Variants in BDP1 observed in about 807,000 individuals in gnomAD.
The protein encoded by BDP1 is BDP1 general transcription factor IIIB subunit, also known as transcription factor TFIIIB component B'' homolog.
Under a neutral mutation model 266.6 loss-of-function variants are expected in BDP1, and 169 were observed. The observed-to-expected ratio is 0.63, with a 90% confidence interval of 0.56 to 0.72. The LOEUF is 0.72. Among genes scored for constraint, BDP1 ranks in the 30% least tolerant of loss-of-function variants. The pLI is 0.00. For synonymous variants in BDP1, 1,090 were observed against 1,022.4 expected (o/e 1.07, Z -1.26); for missense variants, 3,015 against 3,053.8 (o/e 0.99, Z 0.30).
intron 3 of BDP1, 28 bp downstream of exon 3, chr5:71,461,954 A>AAC: frequency 6.9e-6 from 6 of 871,738 alleles, no homozygotes; most frequent in African/African-American, 1.9e-5. Context: ...CTGCTTTACT[A>AAC]TCTCTTTTTT....
chr5:71,537,371 C>G (rs1766688634), intron 26 of BDP1, among the ~76,000 whole-genome samples: 1 of 151,962 alleles, frequency 6.6e-6, no homozygotes, highest in Non-Finnish European at 1.5e-5. Flanking sequence ...TGATTTTTAC[C>G]CTTAAAAGCA....
intron 6 of BDP1, 51 bp downstream of exon 6, chr5:71,467,538 G>T: frequency 6.9e-7 from 1 of 1,445,414 alleles, no homozygotes; most frequent in South Asian, 1.2e-5. Flanking sequence ...GAAATGAATT[G>T]ACTGTTTCTG....
At chr5:71,504,372 A>T (rs962962673) in intron 15 of BDP1, among the ~76,000 whole-genome samples, 15 of 152,214 alleles carry the variant, frequency 9.9e-5, no homozygotes, top group African/African-American at 2.7e-4. Flanking sequence ...TATTTCTAAC[A>T]GATGAAACCA....
chr5:71,478,407 T>C (rs1762730047), intron 7 of BDP1, among the ~76,000 whole-genome samples: 1 of 152,254 alleles, frequency 6.6e-6, no homozygotes, highest in Non-Finnish European at 1.5e-5. Flanking sequence ...CATTTCTTCC[T>C]GTAGGTCCAA....
At chr5:71,505,667 A>G (rs1326772413) in intron 16 of BDP1, among the ~76,000 whole-genome samples, 1 of 152,232 alleles carries the variant, frequency 6.6e-6, no homozygotes. Context: ...TTTAAAGGCT[A>G]GCCTATGCTA....
intron 2 of BDP1, 137 bp downstream of exon 2, chr5:71,458,992 C>CTA: frequency 1.4e-6 from 1 of 739,334 alleles, no homozygotes; most frequent in Non-Finnish European, 2.2e-6. Context: ...AACATCCCTT[C>CTA]TTGTTAATGG....
chr5:71,500,417 T>A (rs1764164600), intron 13 of BDP1, among the ~76,000 whole-genome samples: 1 of 146,076 alleles, frequency 6.8e-6, no homozygotes, highest in African/African-American at 2.5e-5. Context: ...CTCCGCCTCC[T>A]GGGTTCAGGC....
chr5:71,537,944 T>G (rs1766736058), intron 26 of BDP1: 1 of 152,608 alleles, frequency 6.6e-6, no homozygotes, highest in Non-Finnish European at 1.5e-5. Flanking sequence ...CCTCCCATCC[T>G]GTCTTATCAT....
intron 25 of BDP1, among the ~76,000 whole-genome samples, chr5:71,524,633 ATTTTTTATTTAT>A (rs1191313813): frequency 1.1e-3 from 146 of 129,584 alleles, no homozygotes; most frequent in African/African-American, 3.7e-3. Flanking sequence ...TTATTTATTT[ATTTTTTATTTAT>A]TTTTTTTTAT....
chr5:71,503,079 A>AT (rs1764356753), intron 15 of BDP1, among the ~76,000 whole-genome samples: 2 of 151,914 alleles, frequency 1.3e-5, no homozygotes, highest in African/African-American at 4.8e-5. Flanking sequence ...AAAAAAAAAA[A>AT]AAATTCACAT....
At chr5:71,477,280 CCTGG>C in intron 7 of BDP1, among the ~76,000 whole-genome samples, 1 of 152,206 alleles carries the variant, frequency 6.6e-6, no homozygotes, top group African/African-American at 2.4e-5. Context: ...GCCTCAGCCT[CCTGG>C]ACCACAGGTG....
chr5:71,576,509 C>A, the BDP1 span, among the ~76,000 whole-genome samples: 1 of 152,160 alleles, frequency 6.6e-6, no homozygotes, highest in Non-Finnish European at 1.5e-5. Context: ...GCTAACCAAC[C>A]ATTCCTGGCC....
rs972695938 is a variant in BDP1 at position 71,512,575 on chromosome 5, ACT to A, written c.4247+150_4247+151del. 51 of 506,508 alleles carry A rather than the reference ACT, an allele frequency of 1.0e-4. No individual in the cohort carries two copies. In the East Asian group the frequency reaches 1.6e-3, roughly 16 times the overall value. The allele number at this position is 506,508 out of a possible 1,614,324, so 31.4% of individuals were successfully genotyped here. A position where few individuals can be genotyped will look rare whatever the true frequency, so the allele number is the denominator to read the frequency against. Reference sequence around the variant, plus strand: ...AAGACTGGGAGAGAGGATTGAGGTCACTCTGACAGTCAATTGTGAAAGTTACT... The same window carrying A: ...AAGACTGGGAGAGAGGATTGAGGTCACTGACAGTCAATTGTGAAAGTTACT... On this transcript the variant is annotated intron_variant, in intron 18 of 38. Transcript: ENST00000358731.
chr5:71,522,208 A>G (rs1365684674), intron 22 of BDP1, 81 bp from the exon 23 acceptor site: 2 of 1,082,662 alleles, frequency 1.8e-6, no homozygotes, highest in Non-Finnish European at 2.7e-6. Context: ...ATTTGTATCC[A>G]AAATTGTTTG....
At chr5:71,530,287 T>A (rs1482686575) in intron 25 of BDP1, among the ~76,000 whole-genome samples, 1 of 152,246 alleles carries the variant, frequency 6.6e-6, no homozygotes, top group Non-Finnish European at 1.5e-5. Context: ...CAGGCTGGAG[T>A]GCAGTGGCAT....
At chr5:71,486,825 G>C (rs995024244) in intron 9 of BDP1, among the ~76,000 whole-genome samples, 198 bp downstream of exon 9, 1 of 152,114 alleles carries the variant, frequency 6.6e-6, no homozygotes, top group Non-Finnish European at 1.5e-5. Flanking sequence ...TTTTTAACTG[G>C]CGTGATTGGG....
chr5:71,460,238 G>C (rs1175720318), intron 2 of BDP1, among the ~76,000 whole-genome samples: 1 of 152,138 alleles, frequency 6.6e-6, no homozygotes, highest in Non-Finnish European at 1.5e-5. Context: ...ACATTATCTG[G>C]TTGTGGTGGT....
chr5:71,530,608 C>T (rs540764113), intron 25 of BDP1, among the ~76,000 whole-genome samples: 3 of 152,118 alleles, frequency 2.0e-5, no homozygotes, highest in African/African-American at 7.2e-5. Context: ...TGGCCTCAAA[C>T]TCCTAGGCTC....
At chr5:71,552,008 C>T (rs1235724141) in intron 34 of BDP1, among the ~76,000 whole-genome samples, 1 of 150,970 alleles carries the variant, frequency 6.6e-6, no homozygotes, top group African/African-American at 2.4e-5. Context: ...GGCTGACCCC[C>T]ACCTCCCTCC....
Sources: gnomAD v4.1 joint callset for allele counts (sites outside exome capture counted in the v4.1 genomes callset) on GRCh38, gnomAD v4.1.1 for gene constraint, MANE v1.5 for transcripts, NCBI Gene and HGNC (gene_info 2026-07-23, HGNC 2026-07-21) for gene names.